The following NTRK2 variants were observed in gnomAD, a reference collection of about 807,000 sequenced individuals.
NTRK2 encodes neurotrophic receptor tyrosine kinase 2.
A neutral mutation model predicts 94.5 loss-of-function variants in NTRK2; 13 were observed. The ratio of observed to expected loss-of-function variants is 0.14; its 90% CI spans 0.09 to 0.22. The LOEUF is 0.22. Among genes scored for constraint, NTRK2 ranks in the 10% least tolerant of loss-of-function variants. The probability of loss-of-function intolerance (pLI) is 1.00; values close to 1 mark genes in which losing one functional copy is unlikely to be tolerated. For missense variants in NTRK2, 639 were observed against 1,071.2 expected, an observed-to-expected ratio of 0.60 and a Z score of 5.63; for synonymous variants, 372 against 407.4, an observed-to-expected ratio of 0.91 and a Z score of 1.05.
At chr9:84,885,358 A>G (rs2076381089) in intron 14 of NTRK2, among the ~76,000 whole-genome samples, 1 of 152,200 alleles carries the variant, frequency 6.6e-6, no homozygotes, top group South Asian at 2.1e-4. Flanking sequence ...GTCTCCAGCT[A>G]TTACGTGTTT....
At chr9:84,722,432 G>C (rs560557298) in intron 6 of NTRK2, among the ~76,000 whole-genome samples, 1 of 152,126 alleles carries the variant, frequency 6.6e-6, no homozygotes. Flanking sequence ...ATGTGAAGAC[G>C]AAGGGTCAGA....
chr9:84,977,412 A>G (rs1268718533), intron 17 of NTRK2, among the ~76,000 whole-genome samples: 2 of 152,236 alleles, frequency 1.3e-5, no homozygotes, highest in African/African-American at 4.8e-5. Flanking sequence ...ATGGTTCTAA[A>G]TAGCATAAAG....
chr9:84,883,302 G>A (rs2076320224), intron 14 of NTRK2, among the ~76,000 whole-genome samples: 3 of 152,208 alleles, frequency 2.0e-5, no homozygotes, highest in Admixed American at 1.3e-4. Context: ...CCTGAGGACA[G>A]GCTTGTACCT....
chr9:84,977,004 GGT>G (rs1281754659), intron 17 of NTRK2, among the ~76,000 whole-genome samples: 2 of 152,124 alleles, frequency 1.3e-5, no homozygotes, highest in Non-Finnish European at 2.9e-5. Context: ...TATTCACAGT[GGT>G]TATTTTCTAT....
chr9:84,695,436 T>C (rs900237255), intron 2 of NTRK2, among the ~76,000 whole-genome samples: 3 of 152,216 alleles, frequency 2.0e-5, no homozygotes, highest in African/African-American at 7.2e-5. Flanking sequence ...CAGGAACCTG[T>C]AAGTCAAAAA....
At chr9:84,834,191 C>T (rs951852071) in intron 12 of NTRK2, among the ~76,000 whole-genome samples, 2 of 152,136 alleles carry the variant, frequency 1.3e-5, no homozygotes, top group African/African-American at 4.8e-5. Flanking sequence ...ACAGGATTCC[C>T]AGCTAAATTT....
At chr9:84,999,630 G>A (rs1277297535) in intron 17 of NTRK2, among the ~76,000 whole-genome samples, 1 of 152,184 alleles carries the variant, frequency 6.6e-6, no homozygotes, top group Admixed American at 6.5e-5. Flanking sequence ...AAAATCCTAT[G>A]TGGAAGAGAA....
At chr9:84,852,504 A>G (rs962319037) in intron 12 of NTRK2, among the ~76,000 whole-genome samples, 14 of 152,194 alleles carry the variant, frequency 9.2e-5, no homozygotes, top group Non-Finnish European at 1.5e-5. Flanking sequence ...AACTCTTATT[A>G]TTAAGCAGAG....
At chr9:84,855,509 A>G (rs1470066161) in intron 12 of NTRK2, among the ~76,000 whole-genome samples, 1 of 152,026 alleles carries the variant, frequency 6.6e-6, no homozygotes, top group African/African-American at 2.4e-5. Flanking sequence ...GCAAATGTGC[A>G]CCGACACACA....
intron 17 of NTRK2, among the ~76,000 whole-genome samples, chr9:84,964,674 ACT>A (rs1288374809): frequency 1.3e-5 from 2 of 151,876 alleles, no homozygotes; most frequent in African/African-American, 4.8e-5. Context: ...TGGGCTCCCC[ACT>A]CTGTCTTTCT....
intron 14 of NTRK2, among the ~76,000 whole-genome samples, chr9:84,888,976 A>C (rs893074384): frequency 1.7e-5 from 2 of 118,074 alleles, no homozygotes; most frequent in African/African-American, 3.6e-5. Flanking sequence ...TTTATTAATG[A>C]CAGAAATTTT....
chr9:84,722,735 G>A (rs2062162032), intron 6 of NTRK2, among the ~76,000 whole-genome samples: 1 of 152,190 alleles, frequency 6.6e-6, no homozygotes, highest in Admixed American at 6.5e-5. Context: ...ATTTCATGAA[G>A]TGATAGCAGC....
At chr9:84,717,175 A>G (rs1034429122) in intron 6 of NTRK2, among the ~76,000 whole-genome samples, 1 of 152,224 alleles carries the variant, frequency 6.6e-6, no homozygotes, top group African/African-American at 2.4e-5. Context: ...ATTATAATTT[A>G]CTTGAATACT....
chr9:84,895,696 A>G (rs1395728306), intron 14 of NTRK2, among the ~76,000 whole-genome samples: 3 of 152,198 alleles, frequency 2.0e-5, no homozygotes, highest in Non-Finnish European at 4.4e-5. Flanking sequence ...GTGTGAGCAA[A>G]TCGATAGAGT....
chr9:85,004,319 TG>T (rs1830725477), intron 17 of NTRK2, among the ~76,000 whole-genome samples: 1 of 152,124 alleles, frequency 6.6e-6, no homozygotes, highest in Non-Finnish European at 1.5e-5. Context: ...TGCAACCACT[TG>T]TTCATTCTGT....
At chr9:84,781,467 A>G (rs921920143) in intron 12 of NTRK2, among the ~76,000 whole-genome samples, 1 of 152,216 alleles carries the variant, frequency 6.6e-6, no homozygotes, top group Non-Finnish European at 1.5e-5. Flanking sequence ...ACAAACATCT[A>G]ATTCAAGAAT....
At chr9:84,731,014 A>G (rs1366448248) in intron 9 of NTRK2, among the ~76,000 whole-genome samples, 1 of 151,974 alleles carries the variant, frequency 6.6e-6, no homozygotes, top group East Asian at 1.9e-4. Flanking sequence ...TTATATTGGA[A>G]GTTTCCCGGC....
intron 17 of NTRK2, among the ~76,000 whole-genome samples, chr9:84,979,435 ATG>A (rs1441054205): frequency 6.6e-6 from 1 of 152,192 alleles, no homozygotes; most frequent in Non-Finnish European, 1.5e-5. Flanking sequence ...GAGCCTGGAG[ATG>A]TGACTGAATT....
At chr9:85,004,015 A>G (rs1361995946) in intron 17 of NTRK2, among the ~76,000 whole-genome samples, 21 of 71,494 alleles carry the variant, frequency 2.9e-4, no homozygotes, top group African/African-American at 1.4e-3. Flanking sequence ...AAAGAAAAGA[A>G]AGAGAGAAAG....
Sources: gnomAD v4.1 joint callset for allele counts (sites outside exome capture counted in the v4.1 genomes callset) on GRCh38, gnomAD v4.1.1 for gene constraint, MANE v1.5 for transcripts, NCBI Gene and HGNC (gene_info 2026-07-23, HGNC 2026-07-21) for gene names.